Variants in KCNMA1 observed in about 807,000 individuals in gnomAD.
KCNMA1 encodes Calcium-activated potassium channel subunit alpha-1.
In KCNMA1, 29 loss-of-function variants were observed where a neutral mutation model predicts 140.0. The observed-to-expected ratio is 0.21, with a 90% CI of 0.15 to 0.28. The LOEUF (loss-of-function observed/expected upper bound fraction) is 0.28. Ranked by LOEUF, KCNMA1 falls within the 10% of genes least tolerant of loss-of-function variation. The probability of loss-of-function intolerance (pLI) is 1.00; values close to 1 mark genes in which losing one functional copy is unlikely to be tolerated. For synonymous variants in KCNMA1, 612 were observed against 611.9 expected (o/e 1.00, Z 0.00); for missense variants, 880 against 1,602.2 (o/e 0.55, Z 7.70).
At chr10:77,314,015 A>C (rs1445165328) in intron 2 of KCNMA1, 2 of 152,216 alleles carry the variant, frequency 1.3e-5, no homozygotes, top group African/African-American at 4.8e-5. Flanking sequence ...ATGAGAATGG[A>C]ATGAAATGAA....
intron 2 of KCNMA1, among the ~76,000 whole-genome samples, chr10:77,387,340 A>G (rs565789394): frequency 6.6e-6 from 1 of 152,318 alleles, no homozygotes; most frequent in African/African-American, 2.4e-5. Context: ...GGTATCAAAT[A>G]CTAGACAGGG....
intron 2 of KCNMA1, among the ~76,000 whole-genome samples, chr10:77,352,322 A>G (rs778148041): frequency 2.0e-5 from 3 of 152,204 alleles, no homozygotes; most frequent in African/African-American, 7.2e-5. Flanking sequence ...ACTACTTCAC[A>G]TCTGTTGTCC....
chr10:77,157,492 TTC>T (rs1047887670), intron 5 of KCNMA1, among the ~76,000 whole-genome samples: 63 of 152,326 alleles, frequency 4.1e-4, no homozygotes, highest in African/African-American at 1.4e-3. Flanking sequence ...TCTTGGCATT[TTC>T]TGTGTTGCTT....
At chr10:76,968,814 C>T (rs909441151) in intron 20 of KCNMA1, among the ~76,000 whole-genome samples, 9 of 152,182 alleles carry the variant, frequency 5.9e-5, no homozygotes, top group South Asian at 2.1e-4. Flanking sequence ...GAGTCTTCCA[C>T]GGAAAACCTG....
At chr10:77,186,470 A>G (rs942346598) in intron 3 of KCNMA1, among the ~76,000 whole-genome samples, 51 of 152,234 alleles carry the variant, frequency 3.4e-4, no homozygotes, top group African/African-American at 1.1e-3. Context: ...CTGAAAGGAG[A>G]CACAAGCAAG....
At chr10:76,977,871 C>A (rs769823172) in intron 19 of KCNMA1, 1 of 505,542 alleles carries the variant, frequency 2.0e-6, no homozygotes, top group Non-Finnish European at 3.5e-6. Context: ...GAAAGCAAGG[C>A]GAACCACATC....
intron 18 of KCNMA1, among the ~76,000 whole-genome samples, chr10:77,007,088 T>C (rs1215840147): frequency 6.6e-6 from 1 of 152,168 alleles, no homozygotes; most frequent in East Asian, 1.9e-4. Flanking sequence ...GGGTCTCCTT[T>C]TCAGTAGAGC....
chr10:77,558,505 G>T (rs2065303538), intron 1 of KCNMA1, among the ~76,000 whole-genome samples: 1 of 152,176 alleles, frequency 6.6e-6, no homozygotes, highest in Non-Finnish European at 1.5e-5. Flanking sequence ...CGGGGGTGGG[G>T]TGTTCCAGGG....
In KCNMA1 at chr10:77,415,700, A is replaced by G. The variant is rs972673555; in HGVS notation, c.379-11677T>C. Among the ~76,000 whole-genome samples, 8 of 152,228 alleles carry G rather than the reference A, an allele frequency of 5.3e-5. No homozygotes were observed. The South Asian group carries it at 1.7e-3, about 32-fold the overall frequency. On this transcript the variant is annotated intron_variant, in intron 1 of 27. Transcript: ENST00000286628. ...GACCAGGAGGAGGATCCAGCCCCCA[A>G]GGAGCCTCACTCTCCTCAGCAAAGG...
intron 5 of KCNMA1, among the ~76,000 whole-genome samples, chr10:77,151,374 A>C (rs2098416056): frequency 1.3e-5 from 2 of 151,756 alleles, no homozygotes; most frequent in South Asian, 2.1e-4. Flanking sequence ...GACTCAGGTG[A>C]GAGTCACCAG....
intron 2 of KCNMA1, among the ~76,000 whole-genome samples, chr10:77,341,815 C>T (rs1331744222): frequency 6.6e-6 from 1 of 152,236 alleles, no homozygotes; most frequent in African/African-American, 2.4e-5. Flanking sequence ...CCATTCCTGC[C>T]TCCCTTTCTG....
intron 2 of KCNMA1, among the ~76,000 whole-genome samples, chr10:77,265,722 A>G (rs185439231): frequency 1.3e-5 from 2 of 152,288 alleles, no homozygotes; most frequent in East Asian, 1.9e-4. Flanking sequence ...ATTGAAAGGT[A>G]CCTCATGAAT....
At chr10:77,503,790 T>C (rs2044766830) in intron 1 of KCNMA1, among the ~76,000 whole-genome samples, 1 of 152,208 alleles carries the variant, frequency 6.6e-6, no homozygotes, top group Non-Finnish European at 1.5e-5. Context: ...TGGTACATTC[T>C]CTGTTTGAGC....
chr10:77,104,466 A>G (rs972293656), intron 9 of KCNMA1, among the ~76,000 whole-genome samples: 5 of 152,112 alleles, frequency 3.3e-5, no homozygotes, highest in East Asian at 1.9e-4. Context: ...CCTTGGCTAC[A>G]TCTAGTCTTT....
At chr10:77,623,186 T>C (rs902190982) in intron 1 of KCNMA1, among the ~76,000 whole-genome samples, 3 of 152,218 alleles carry the variant, frequency 2.0e-5, no homozygotes, top group African/African-American at 4.8e-5. Context: ...TTAGTTTCCA[T>C]GCAACTTAGG....
intron 2 of KCNMA1, among the ~76,000 whole-genome samples, chr10:77,254,403 AG>A (rs1269210565): frequency 2.0e-5 from 3 of 152,034 alleles, no homozygotes; most frequent in African/African-American, 7.2e-5. Context: ...TTGTATTTTT[AG>A]TAGAGAGGGG....
chr10:77,044,437 C>A (rs568821838), intron 14 of KCNMA1, among the ~76,000 whole-genome samples: 34 of 151,978 alleles, frequency 2.2e-4, no homozygotes, highest in South Asian at 1.2e-3. Flanking sequence ...AAGTTTGAGG[C>A]TAGATATTTG....
intron 1 of KCNMA1, among the ~76,000 whole-genome samples, chr10:77,582,169 C>T (rs1472770020): frequency 6.6e-6 from 1 of 152,230 alleles, no homozygotes; most frequent in African/African-American, 2.4e-5. Context: ...TCAACGACAT[C>T]ATCACTGACA....
At chr10:77,582,544 T>G (rs1056586361) in intron 1 of KCNMA1, among the ~76,000 whole-genome samples, 2 of 152,244 alleles carry the variant, frequency 1.3e-5, no homozygotes, top group East Asian at 1.9e-4. Flanking sequence ...CAAACCTGCA[T>G]GTTCTGCACC....
Sources: allele counts gnomAD v4.1 joint callset (sites outside exome capture counted in the v4.1 genomes callset), GRCh38; gene constraint gnomAD v4.1.1; transcripts MANE v1.5; gene names NCBI Gene and HGNC (gene_info 2026-07-23, HGNC 2026-07-21).